ANK3: variants seen among roughly 807,000 people sequenced by gnomAD.
The protein encoded by ANK3 is ankyrin 3, also known as ankyrin-3.
Under a neutral mutation model 370.9 loss-of-function variants are expected in ANK3, and 57 were observed. The ratio of observed to expected loss-of-function variants is 0.15; its 90% confidence interval spans 0.12 to 0.19. ANK3 has a LOEUF of 0.19. Ranked by LOEUF, ANK3 falls within the 10% of genes least tolerant of loss-of-function variation. The pLI is 1.00. For synonymous variants in ANK3, 1,929 were observed against 1,946.3 expected (o/e 0.99, Z 0.23); for missense variants, 4,439 against 5,302.1 (o/e 0.84, Z 5.06).
rs1040476319 is a variant in ANK3, at chr10:60,389,350, C to T, written c.114+75G>A. 92 of 1,399,324 alleles carry T rather than the reference C, an allele frequency of 6.6e-5. No individual in the cohort carries two copies. In the African/African-American group the frequency reaches 1.2e-3, roughly 18 times the overall value. The allele number at this position is 1,399,324 out of a possible 1,614,324, so 86.7% of individuals were successfully genotyped here. A position where few individuals can be genotyped will look rare whatever the true frequency, so the allele number is the denominator to read the frequency against. ...CAGCATGTAAAAATAACCCTTAATG[C>T]TTCTAACAGATGCCAGAGGGAGATT... On this transcript the variant is annotated intron_variant, in intron 1 of 43. Coordinates refer to ENST00000280772, the MANE Select transcript of ANK3 (RefSeq NM_020987.5).
At chr10:60,392,582 T>C (rs1487138929), upstream of ANK3, among the ~76,000 whole-genome samples, 1 of 152,216 alleles carries the variant, frequency 6.6e-6, no homozygotes, top group Admixed American at 6.5e-5. Context: ...AATGTTTACA[T>C]AGGATTTACA....
chr10:60,466,070 C>T (rs928456406), intron 2 of ANK3, among the ~76,000 whole-genome samples: 7 of 152,136 alleles, frequency 4.6e-5, no homozygotes, highest in African/African-American at 1.7e-4. Context: ...CTGCCACTCA[C>T]TCTCTTCGTT....
At chr10:60,319,531 ATT>A (rs1216983355) in intron 1 of ANK3, among the ~76,000 whole-genome samples, 1 of 152,132 alleles carries the variant, frequency 6.6e-6, no homozygotes, top group Non-Finnish European at 1.5e-5. Flanking sequence ...TGTACCCAAT[ATT>A]TACTATTTAA....
intron 1 of ANK3, among the ~76,000 whole-genome samples, chr10:60,648,047 A>G (rs563725348): frequency 1.0e-4 from 15 of 150,194 alleles, no homozygotes; most frequent in Admixed American, 2.0e-4. Context: ...GGGGTTTCAC[A>G]TGTTGGCCAG....
chr10:60,240,117 TAC>T (rs1251273433), intron 7 of ANK3, among the ~76,000 whole-genome samples: 2 of 89,328 alleles, frequency 2.2e-5, no homozygotes, highest in African/African-American at 4.3e-5. Context: ...TACATATATA[TAC>T]ACACATATAT....
intron 1 of ANK3, among the ~76,000 whole-genome samples, chr10:60,649,297 C>T: frequency 8.2e-6 from 1 of 121,240 alleles, no homozygotes. Context: ...ACATTAAAAA[C>T]TGTATTATCA....
intron 1 of ANK3, among the ~76,000 whole-genome samples, chr10:60,310,971 T>TGCATTCCAGCCA (rs2132846583): frequency 6.6e-6 from 1 of 152,302 alleles, no homozygotes; most frequent in African/African-American, 2.4e-5. Context: ...GACTCCAGCC[T>TGCATTCCAGCCA]GCATTCCAGC....
Position 60,073,886 on chromosome 10 carries a change from A to T in ANK3, c.6995T>A (p.Val2332Asp), listed in dbSNP as rs955561350. 7 of 1,613,632 alleles carry T rather than the reference A, an allele frequency of 4.3e-6. No individual in the cohort carries two copies. The highest frequency in any genetic ancestry group is 1.1e-5 in the South Asian group (1 of 91,074). ...AGCTTGGTTACCTTTTTCGATGTGG[A>T]CTTCTATTATACGCTCCAGTTTGGG... ...MKPKLERIIE[V>D]HIEKGNQAEP... The change falls in exon 37 of 44, where the codon GTC becomes GAC. Residue 2332 changes from valine (V) to aspartate (D), a missense_variant. Coordinates refer to ENST00000280772, the MANE Select transcript of ANK3 (RefSeq NM_020987.5).
chr10:60,205,325 A>G (rs2096745464), intron 11 of ANK3, among the ~76,000 whole-genome samples: 1 of 152,188 alleles, frequency 6.6e-6, no homozygotes, highest in Non-Finnish European at 1.5e-5. Flanking sequence ...ATTTTGAATC[A>G]GACGACTTTT....
intron 1 of ANK3, among the ~76,000 whole-genome samples, chr10:60,638,497 C>A: frequency 6.6e-6 from 1 of 151,838 alleles, no homozygotes; most frequent in East Asian, 1.9e-4. Context: ...AATCTTAATG[C>A]CTGATACCTA....
At chr10:60,186,302 T>C (rs16914591) in intron 17 of ANK3, among the ~76,000 whole-genome samples, 17,880 of 151,718 alleles carry the variant, frequency 0.12, 1,423 homozygotes, top group African/African-American at 0.22. Flanking sequence ...ATACTCATTG[T>C]CTGACTGAAT....
At chr10:60,059,970 G>A (rs1564686344) in intron 40 of ANK3, 8 of 1,604,862 alleles carry the variant, frequency 5.0e-6, no homozygotes, top group Non-Finnish European at 6.0e-6. Context: ...GTGCAACCCT[G>A]TGGGGGTTTC....
chr10:60,514,921 G>A (rs2076179808), intron 2 of ANK3, among the ~76,000 whole-genome samples: 1 of 152,092 alleles, frequency 6.6e-6, no homozygotes, highest in African/African-American at 2.4e-5. Flanking sequence ...TTATTGTAGA[G>A]AGTTGTGTCT....
At chr10:60,175,806 G>A (rs2095919076) in intron 18 of ANK3, among the ~76,000 whole-genome samples, 2 of 152,170 alleles carry the variant, frequency 1.3e-5, no homozygotes, top group East Asian at 1.9e-4. Context: ...CTATCTGTGT[G>A]AATTTGGATA....
chr10:60,236,464 T>TC (rs1442816094), intron 7 of ANK3, among the ~76,000 whole-genome samples: 1 of 152,078 alleles, frequency 6.6e-6, no homozygotes, highest in Non-Finnish European at 1.5e-5. Flanking sequence ...CCCACCTTTT[T>TC]CCCCCCGTGT....
intron 6 of ANK3, among the ~76,000 whole-genome samples, 168 bp downstream of exon 6, chr10:60,263,667 T>G (rs111784601): frequency 7.9e-5 from 12 of 152,318 alleles, no homozygotes; most frequent in African/African-American, 2.4e-4. Flanking sequence ...ACTTCTCATG[T>G]GAAGGGAGGC....
At chr10:60,671,262 A>G (rs1453060108) in intron 1 of ANK3, among the ~76,000 whole-genome samples, 2 of 151,934 alleles carry the variant, frequency 1.3e-5, no homozygotes, top group Non-Finnish European at 2.9e-5. Context: ...TCTCTTTTCT[A>G]CTACATTTCA....
intron 1 of ANK3, among the ~76,000 whole-genome samples, chr10:60,635,406 TA>T (rs1022666522): frequency 3.3e-5 from 5 of 152,046 alleles, no homozygotes; most frequent in South Asian, 2.1e-4. Context: ...CAAACATGCC[TA>T]AAAAAAATCT....
At chr10:60,431,659 G>A (rs1488651531) in intron 2 of ANK3, among the ~76,000 whole-genome samples, 3 of 152,130 alleles carry the variant, frequency 2.0e-5, no homozygotes, top group Admixed American at 6.5e-5. Flanking sequence ...TGGTGGGGGG[G>A]CTAGGGAAGG....
Sources: gnomAD v4.1 joint callset for allele counts (sites outside exome capture counted in the v4.1 genomes callset) on GRCh38, gnomAD v4.1.1 for gene constraint, MANE v1.5 for transcripts, NCBI Gene and HGNC (gene_info 2026-07-23, HGNC 2026-07-21) for gene names.